ANGPT1: variants seen among roughly 807,000 people sequenced by gnomAD.
ANGPT1 encodes angiopoietin 1.
Under a neutral mutation model 62.2 loss-of-function variants are expected in ANGPT1, and 17 were observed. The observed-to-expected ratio is 0.27, with a 90% CI of 0.19 to 0.41. The LOEUF is 0.41. ANGPT1 is among the 10% of genes least tolerant of loss of function. The pLI, the probability that ANGPT1 is intolerant of heterozygous loss-of-function variation, is 1.00. For missense variants in ANGPT1, 478 were observed against 594.9 expected (o/e 0.80, Z 2.04); for synonymous variants, 199 against 198.9 (o/e 1.00, Z 0.00).
intron 1 of ANGPT1, among the ~76,000 whole-genome samples, chr8:107,426,383 G>A (rs1339354114): frequency 3.3e-5 from 5 of 152,288 alleles, no homozygotes; most frequent in Middle Eastern, 3.4e-3. Context: ...GAAAGTGGGC[G>A]GGTGATCCAA....
intron 1 of ANGPT1, among the ~76,000 whole-genome samples, chr8:107,479,825 G>A (rs866871509): frequency 6.6e-6 from 1 of 152,116 alleles, no homozygotes; most frequent in Non-Finnish European, 1.5e-5. Flanking sequence ...AGTGTGGATG[G>A]TCTATGAAGC....
chr8:107,418,004 T>C (rs1190984181), intron 1 of ANGPT1, among the ~76,000 whole-genome samples: 3 of 152,208 alleles, frequency 2.0e-5, no homozygotes, highest in Admixed American at 2.0e-4. Context: ...GATGTTTATC[T>C]TCTGGTAACA....
At chr8:107,453,977 G>C (rs991832039) in intron 1 of ANGPT1, among the ~76,000 whole-genome samples, 2 of 152,024 alleles carry the variant, frequency 1.3e-5, no homozygotes, top group African/African-American at 4.8e-5. Flanking sequence ...GTTAAGAATA[G>C]GTATGGTTGT....
chr8:107,460,624 A>G (rs1419255837), intron 1 of ANGPT1, among the ~76,000 whole-genome samples: 7 of 152,174 alleles, frequency 4.6e-5, no homozygotes, highest in Non-Finnish European at 1.0e-4. Context: ...TATTTCTGCA[A>G]CAAACACACA....
intron 1 of ANGPT1, among the ~76,000 whole-genome samples, chr8:107,413,505 A>G (rs904758338): frequency 9.9e-5 from 15 of 151,982 alleles, no homozygotes; most frequent in Admixed American, 3.9e-4. Flanking sequence ...ACCCTCAGTA[A>G]CCAAGATAAA....
chr8:107,325,937 C>T (rs1313588551), intron 3 of ANGPT1, among the ~76,000 whole-genome samples: 1 of 152,032 alleles, frequency 6.6e-6, no homozygotes, highest in African/African-American at 2.4e-5. Context: ...CAAAGAAGTC[C>T]TGGTACTAAA....
chr8:107,472,812 C>T (rs370359323), intron 1 of ANGPT1, among the ~76,000 whole-genome samples: 65 of 152,028 alleles, frequency 4.3e-4, no homozygotes, highest in African/African-American at 1.5e-3. Flanking sequence ...AACATTATGT[C>T]TTATAAAATA....
At chr8:107,267,369 G>A (rs1270772245) in intron 7 of ANGPT1, among the ~76,000 whole-genome samples, 2 of 152,062 alleles carry the variant, frequency 1.3e-5, no homozygotes. Context: ...CTCTATATGT[G>A]TGCTGGTATA....
chr8:107,376,412 T>C (rs1050960797), intron 1 of ANGPT1, among the ~76,000 whole-genome samples: 1 of 152,102 alleles, frequency 6.6e-6, no homozygotes, highest in Non-Finnish European at 1.5e-5. Flanking sequence ...AAATTGTTTA[T>C]GGGAAAGGTA....
intron 3 of ANGPT1, chr8:107,322,617 A>G: frequency 5.0e-6 from 1 of 200,360 alleles, no homozygotes; most frequent in Non-Finnish European, 1.0e-5. Flanking sequence ...GATCAAGAAT[A>G]GTATATTGAC....
rs919095899 is a variant in ANGPT1, at chr8:107,474,962, A to T, written c.297+22300T>A. 7.2e-5 allele frequency among the ~76,000 whole-genome samples: 11 copies of T among 152,350 alleles called. 1 individual carries two copies. Among genetic ancestry groups the T allele is most frequent in the African/African-American group, 2.6e-4 (11 of 41,592 alleles). ...ACACAAACAAATGGAAGAACATTCCATGCTCATGGATAGGAAGAATCAATA... is the reference window on the plus strand; with the variant it reads ...ACACAAACAAATGGAAGAACATTCCTTGCTCATGGATAGGAAGAATCAATA... On this transcript the variant is annotated intron_variant, in intron 1 of 8. Coordinates refer to ENST00000517746, the MANE Select transcript of ANGPT1 (RefSeq NM_001146.5).
At chr8:107,283,032 C>T (rs763659344) in intron 7 of ANGPT1, among the ~76,000 whole-genome samples, 31 of 151,996 alleles carry the variant, frequency 2.0e-4, no homozygotes, top group Non-Finnish European at 4.4e-4. Flanking sequence ...CACATGCAGC[C>T]ACCTATGAAA....
intron 1 of ANGPT1, among the ~76,000 whole-genome samples, chr8:107,390,518 G>A (rs1816814275): frequency 6.6e-6 from 1 of 152,022 alleles, no homozygotes; most frequent in Admixed American, 6.6e-5. Flanking sequence ...GTTCAAAGGT[G>A]GTAACCAAAA....
intron 6 of ANGPT1, among the ~76,000 whole-genome samples, chr8:107,287,090 C>A (rs1269456718): frequency 6.6e-6 from 1 of 152,140 alleles, no homozygotes; most frequent in Non-Finnish European, 1.5e-5. Context: ...CTTGATGATT[C>A]CCTTTTCTGT....
At chr8:107,480,563 T>C (rs1812651220) in intron 1 of ANGPT1, among the ~76,000 whole-genome samples, 1 of 152,200 alleles carries the variant, frequency 6.6e-6, no homozygotes, top group Non-Finnish European at 1.5e-5. Flanking sequence ...TCCACACACA[T>C]AGAATTTTTT....
At chr8:107,306,694 G>C (rs1047029763) in intron 4 of ANGPT1, among the ~76,000 whole-genome samples, 5 of 152,008 alleles carry the variant, frequency 3.3e-5, no homozygotes, top group African/African-American at 7.2e-5. Context: ...GCTTCAGTTA[G>C]ATAGAAGATA....
chr8:107,316,837 T>C (rs1815025144), intron 4 of ANGPT1, among the ~76,000 whole-genome samples: 1 of 152,208 alleles, frequency 6.6e-6, no homozygotes, highest in South Asian at 2.1e-4. Flanking sequence ...TTAACTATCA[T>C]CTTCCCACTA....
chr8:107,270,306 C>T (rs1410614568), intron 7 of ANGPT1, among the ~76,000 whole-genome samples: 3 of 152,016 alleles, frequency 2.0e-5, no homozygotes, highest in Non-Finnish European at 4.4e-5. Flanking sequence ...TAGACAGACT[C>T]GCAGATATCT....
At chr8:107,448,323 A>G (rs1301216475) in intron 1 of ANGPT1, among the ~76,000 whole-genome samples, 2 of 152,180 alleles carry the variant, frequency 1.3e-5, no homozygotes, top group Non-Finnish European at 2.9e-5. Context: ...CAACTTTTTT[A>G]TGAAACTGTC....
Sources: allele counts gnomAD v4.1 joint callset (sites outside exome capture counted in the v4.1 genomes callset), GRCh38; gene constraint gnomAD v4.1.1; transcripts MANE v1.5; gene names NCBI Gene and HGNC (gene_info 2026-07-23, HGNC 2026-07-21).